Variants in LITAF observed in about 807,000 individuals in gnomAD.
LITAF encodes lipopolysaccharide-induced tumor necrosis factor-alpha factor.
In LITAF, 9 loss-of-function variants were observed where a neutral mutation model predicts 14.5. That is an observed-to-expected ratio of 0.62 (90% CI 0.37 to 1.08). The LOEUF is 1.08. Ranked by LOEUF, LITAF falls within the 50% of genes least tolerant of loss-of-function variation. The probability of loss-of-function intolerance (pLI) is 0.01; values close to 1 mark genes in which losing one functional copy is unlikely to be tolerated. For synonymous variants in LITAF, 98 were observed against 88.2 expected, an observed-to-expected ratio of 1.11 and a Z score of -0.62; for missense variants, 206 against 213.4, an observed-to-expected ratio of 0.97 and a Z score of 0.22.
chr16:11,591,604 ATC>A (rs1378982429), upstream of LITAF, among the ~76,000 whole-genome samples: 1 of 152,202 alleles, frequency 6.6e-6, no homozygotes, highest in African/African-American at 2.4e-5. Context: ...TAAACCATAT[ATC>A]TATGATCAAT....
chr16:11,618,842 G>A (rs923368418), intron 3 of LITAF, among the ~76,000 whole-genome samples: 4 of 152,040 alleles, frequency 2.6e-5, no homozygotes, highest in African/African-American at 9.7e-5. Context: ...AGTTAGCCGG[G>A]CGTGGTGGTG....
At chr16:11,565,399 T>G (rs7187625) in intron 1 of LITAF, among the ~76,000 whole-genome samples, 28,262 of 143,060 alleles carry the variant, frequency 0.2, 2,796 homozygotes, top group South Asian at 0.25. Context: ...TACTCACTTT[T>G]AAATGGTTAT....
At position 11,548,081 on chromosome 16, in the gene LITAF, A is replaced by G; in HGVS notation, c.*1556T>C. The stretch of plus-strand genomic sequence containing the variant: ...GGTATCCATATTCGTTGCAAAAATG[A>G]TAATTACTGGAATTTTCCAAACATC... On this transcript the variant is annotated 3_prime_UTR_variant, in exon 4 of 4. Transcript: ENST00000622633. 2.2e-6 allele frequency: 1 copy of G among 454,128 alleles called. No individual in the cohort carries two copies. Among genetic ancestry groups the G allele is most frequent in the South Asian group, 1.6e-5 (1 of 64,480 alleles). The allele number at this position is 454,128 out of a possible 1,614,324, so 28.1% of individuals were successfully genotyped here.
upstream of LITAF, among the ~76,000 whole-genome samples, chr16:11,589,084 T>C (rs1430888552): frequency 6.6e-6 from 1 of 152,196 alleles, no homozygotes; most frequent in Non-Finnish European, 1.5e-5. Context: ...CAATTATTTA[T>C]GGGGAGAGCT....
At chr16:11,589,471 T>A (rs1441809079), upstream of LITAF, among the ~76,000 whole-genome samples, 1 of 152,186 alleles carries the variant, frequency 6.6e-6, no homozygotes, top group Non-Finnish European at 1.5e-5. Flanking sequence ...GCATCCAGAT[T>A]GAAAAGGATA....
At chr16:11,598,965 A>G (rs927384221), upstream of LITAF, among the ~76,000 whole-genome samples, 2 of 147,270 alleles carry the variant, frequency 1.4e-5, no homozygotes, top group Admixed American at 1.4e-4. Flanking sequence ...GATTACAGGC[A>G]CCCGCCACCA....
intron 3 of LITAF, among the ~76,000 whole-genome samples, chr16:11,631,360 A>T (rs1035185729): frequency 6.6e-6 from 1 of 152,138 alleles, no homozygotes; most frequent in Non-Finnish European, 1.5e-5. Flanking sequence ...GGCTCCAGGC[A>T]TCCCGGGGCT....
chr16:11,549,722 A>T lies in LITAF; in HGVS notation c.401T>A (p.Ile134Asn). Residue 134 changes from isoleucine (I) to asparagine (N), a missense_variant, in exon 4 of 4, where the codon ATC becomes AAC. Ile to Asn is a moderately radical substitution (Grantham distance 149). Coordinates refer to ENST00000622633, the MANE Select transcript of LITAF (RefSeq NM_001136472.2). The surrounding 1 kb of genome is among the most constrained non-coding windows in gnomAD (Gnocchi z 4.6). ...LLGCIAGCCF[I>N]PFCVDALQDV... Reference sequence around the variant, plus strand: ...CTGCAGGGCATCCACGCAGAAGGGGATGAAGCAGCAGCCCGCTATGCACCT... The same window carrying T: ...CTGCAGGGCATCCACGCAGAAGGGGTTGAAGCAGCAGCCCGCTATGCACCT... 6.2e-7 allele frequency: 1 copy of T among 1,613,500 alleles called. No individual in the cohort carries two copies. Among genetic ancestry groups the T allele is most frequent in the African/African-American group, 1.3e-5 (1 of 75,042 alleles).
chr16:11,553,541 G>A lies in LITAF; in HGVS notation c.369C>T (p.Cys123=), dbSNP rs762993631. ...ALTWLSCGSL[C]LLGCIAGCCF... ...GTGGGAGGCAGACTCACCCCAGCAG[G>A]CACAGGCTCCCGCAGGACAGCCAGG... Residue 123 remains cysteine (C), a synonymous_variant, in exon 3 of 4, where the codon TGC becomes TGT. Coordinates refer to ENST00000622633, the MANE Select transcript of LITAF (RefSeq NM_001136472.2). The surrounding 1 kb of genome is among the most constrained non-coding windows in gnomAD (Gnocchi z 7.7). 3.1e-6 allele frequency: 5 copies of A among 1,614,012 alleles called. No individual in the cohort carries two copies. Among genetic ancestry groups the A allele is most frequent in the Admixed American group, 1.7e-5 (1 of 60,018 alleles).
chr16:11,551,707 C>T (rs1313884717), intron 3 of LITAF: 2 of 663,760 alleles, frequency 3.0e-6, no homozygotes, highest in Non-Finnish European at 2.7e-6. Context: ...TGGCACACAC[C>T]TGTGGTCCCA....
At chr16:11,635,594 C>G (rs772940108) in intron 2 of LITAF, among the ~76,000 whole-genome samples, 3 of 152,206 alleles carry the variant, frequency 2.0e-5, no homozygotes, top group Non-Finnish European at 4.4e-5. Context: ...GTGCCCACTT[C>G]AAGGAGGAAA....
intron 3 of LITAF, among the ~76,000 whole-genome samples, chr16:11,628,573 AG>A: frequency 6.6e-6 from 1 of 152,138 alleles, no homozygotes. Context: ...GCACGATCAT[AG>A]CTCACTTCAG....
intron 2 of LITAF, among the ~76,000 whole-genome samples, chr16:11,554,935 G>A (rs994950597): frequency 3.3e-5 from 5 of 152,164 alleles, no homozygotes; most frequent in Non-Finnish European, 5.9e-5. Context: ...TGAATTAGGG[G>A]GAAATTACTG....
Position 11,622,197 on chromosome 16 carries a change from C to A in LITAF, c.85+11336G>T, listed in dbSNP as rs186283625. 6.6e-5 allele frequency among the ~76,000 whole-genome samples: 10 copies of A among 152,304 alleles called. No individual in the cohort carries two copies. In the East Asian group the frequency reaches 1.5e-3, roughly 24 times the overall value. ...AGAGGAGGTGCCACCATAAGCCAGG[C>A]GGCATGGCTTGCTCATGAGACCCCA... On this transcript the variant is annotated intron_variant, in intron 3 of 3. Coordinates refer to the LITAF transcript ENST00000574848.
At position 11,605,389 on chromosome 16, in the gene LITAF, G is replaced by A. The variant is rs546605822; in HGVS notation, c.85+28144C>T. 2.7e-3 allele frequency among the ~76,000 whole-genome samples: 416 copies of A among 152,224 alleles called. 2 individuals carry two copies. The highest frequency in any genetic ancestry group is 9.5e-3 in the African/African-American group (396 of 41,562). On this transcript the variant is annotated intron_variant, in intron 3 of 3. Transcript: ENST00000574848. The surrounding 1 kb of genome is among the most constrained non-coding windows in gnomAD (Gnocchi z 4.7). ...CCAGGCGGGATCCTGTGCACCTCCC[G>A]GAGGACTGGGAAGAGGGAAAGGAGC...
chr16:11,556,980 A>G (rs1474465611), intron 1 of LITAF, among the ~76,000 whole-genome samples: 1 of 152,210 alleles, frequency 6.6e-6, no homozygotes, highest in African/African-American at 2.4e-5. Context: ...CATCAACCAA[A>G]TAAGGGTCAT....
At chr16:11,581,344 T>C (rs62024271) in intron 1 of LITAF, among the ~76,000 whole-genome samples, 44,442 of 152,082 alleles carry the variant, frequency 0.29, 7,149 homozygotes, top group Non-Finnish European at 0.35. Context: ...TCAAGTTCAA[T>C]TTAAAAAAAC....
intron 3 of LITAF, among the ~76,000 whole-genome samples, chr16:11,619,097 G>C (rs1390224389): frequency 6.6e-6 from 1 of 151,658 alleles, no homozygotes; most frequent in Non-Finnish European, 1.5e-5. Flanking sequence ...GGTCACTTGA[G>C]GTCAGGAGTT....
intron 3 of LITAF, among the ~76,000 whole-genome samples, chr16:11,631,874 G>A (rs1340384253): frequency 2.8e-5 from 4 of 142,846 alleles, no homozygotes; most frequent in South Asian, 2.2e-4. Context: ...TTTTTGAGAC[G>A]GAGTCTTGCT....
Sources: allele counts gnomAD v4.1 joint callset (sites outside exome capture counted in the v4.1 genomes callset), GRCh38; gene constraint gnomAD v4.1.1; non-coding constraint Gnocchi (gnomAD v3.1); transcripts MANE v1.5; gene names NCBI Gene and HGNC (gene_info 2026-07-23, HGNC 2026-07-21).